The following DYRK4 variants were observed in gnomAD, a reference collection of about 807,000 sequenced individuals.
DYRK4 encodes dual specificity tyrosine-phosphorylation-regulated kinase 4.
DYRK4 carries 64 observed loss-of-function variants against 68.3 expected under a neutral mutation model. The observed-to-expected ratio is 0.94, with a 90% CI of 0.77 to 1.15. The LOEUF is 1.15. DYRK4 is among the 50% of genes most tolerant of loss of function. DYRK4 has a pLI of 0.00. For synonymous variants in DYRK4, 274 were observed against 289.9 expected, an observed-to-expected ratio of 0.95 and a Z score of 0.56; for missense variants, 740 against 764.7, an observed-to-expected ratio of 0.97 and a Z score of 0.38.
At chr12:4,570,209 C>T (rs1377291389) in intron 2 of DYRK4, among the ~76,000 whole-genome samples, 1 of 151,706 alleles carries the variant, frequency 6.6e-6, no homozygotes, top group East Asian at 1.9e-4. Context: ...CCACTGCATC[C>T]AGCCTGGTCA....
At chr12:4,593,326 T>C (rs1398626729) in intron 6 of DYRK4, among the ~76,000 whole-genome samples, 161 bp downstream of exon 6, 2 of 152,182 alleles carry the variant, frequency 1.3e-5, no homozygotes, top group Admixed American at 6.5e-5. Context: ...AATACCATGT[T>C]TGAAAATGGG....
At chr12:4,569,767 G>A (rs1279583951) in intron 2 of DYRK4, among the ~76,000 whole-genome samples, 2 of 151,916 alleles carry the variant, frequency 1.3e-5, no homozygotes, top group African/African-American at 4.8e-5. Flanking sequence ...GACCAAATCC[G>A]TATTCTTAAC....
chr12:4,562,391 G>GA (rs1337033167), intron 1 of DYRK4, 108 bp downstream of exon 1: 1 of 1,354,590 alleles, frequency 7.4e-7, no homozygotes, highest in East Asian at 2.7e-5. Context: ...AAAGCGTGCA[G>GA]AATGCAAGAG....
At chr12:4,602,369 C>G (rs1945091375) in intron 10 of DYRK4, 3 of 903,806 alleles carry the variant, frequency 3.3e-6, no homozygotes, top group Non-Finnish European at 5.4e-6. Context: ...CTCTTTTGTT[C>G]TCGTTTTGTA....
intron 11 of DYRK4, among the ~76,000 whole-genome samples, chr12:4,605,288 A>G (rs1342455275): frequency 6.6e-6 from 1 of 152,232 alleles, no homozygotes; most frequent in African/African-American, 2.4e-5. Context: ...CATAAATTTA[A>G]ATAGTTGCAG....
intron 13 of DYRK4, chr12:4,610,661 C>CCTGA (rs1945209718): frequency 6.4e-6 from 1 of 157,260 alleles, no homozygotes; most frequent in African/African-American, 2.4e-5. Flanking sequence ...AAGCCAACCC[C>CCTGA]CTGACTGCTT....
At chr12:4,605,740 T>G (rs990380559) in intron 11 of DYRK4, among the ~76,000 whole-genome samples, 76 of 137,640 alleles carry the variant, frequency 5.5e-4, no homozygotes, top group African/African-American at 2.0e-3. Flanking sequence ...TTTTTTTTTT[T>G]TTTTTTTTTT....
At position 4,611,860 on chromosome 12, in the gene DYRK4, T is replaced by C. The variant is rs543871197; in HGVS notation, c.1491-683T>C. On this transcript the variant is annotated intron_variant, in intron 13 of 14. Transcript: ENST00000543431. ...ATGGTTGAAGGACTGAACCATAAAATTAGGATAGTTATTTTGTGTGATGGT... is the reference window on the plus strand; with the variant it reads ...ATGGTTGAAGGACTGAACCATAAAACTAGGATAGTTATTTTGTGTGATGGT... 3.3e-5 allele frequency among the ~76,000 whole-genome samples: 5 copies of C among 152,266 alleles called. No individual in the cohort carries two copies. In the East Asian group the frequency reaches 5.8e-4, roughly 18 times the overall value.
At chr12:4,580,921 G>T (rs558212163) in intron 2 of DYRK4, 10 of 455,370 alleles carry the variant, frequency 2.2e-5, no homozygotes, top group African/African-American at 2.0e-4. Flanking sequence ...TTCCGAAAAG[G>T]CTGGGTGGCC....
chr12:4,589,389 T>C (rs1944929357), intron 3 of DYRK4, among the ~76,000 whole-genome samples: 1 of 152,202 alleles, frequency 6.6e-6, no homozygotes, highest in Admixed American at 6.5e-5. Context: ...TTACTATTGA[T>C]TATAGTCACC....
intron 2 of DYRK4, among the ~76,000 whole-genome samples, chr12:4,585,616 CG>C: frequency 6.7e-6 from 1 of 150,156 alleles, no homozygotes; most frequent in Non-Finnish European, 1.5e-5. Flanking sequence ...CATCACACAC[CG>C]GGGACTGTTG....
chr12:4,585,633 TG>T (rs1944888725), intron 2 of DYRK4, among the ~76,000 whole-genome samples: 1 of 148,690 alleles, frequency 6.7e-6, no homozygotes, highest in African/African-American at 2.5e-5. Flanking sequence ...TGTTGTGGGG[TG>T]GGGGGAGCGG....
chr12:4,578,645 T>A (rs986809612), intron 2 of DYRK4, among the ~76,000 whole-genome samples: 1 of 152,212 alleles, frequency 6.6e-6, no homozygotes, highest in Non-Finnish European at 1.5e-5. Flanking sequence ...TTCTGGTGTT[T>A]ATAGTTTTTG....
intron 3 of DYRK4, 74 bp downstream of exon 3, chr12:4,589,091 A>G (rs374377302): frequency 1.4e-6 from 2 of 1,422,980 alleles, no homozygotes; most frequent in East Asian, 5.0e-5. Context: ...AGCTTTGAAC[A>G]GACAGTTTTG....
rs897282337 is a variant in DYRK4 at position 4,613,376 on chromosome 12, T to C, written c.1667-139T>C. The C allele has an allele frequency of 2.2e-5, 24 of 1,100,484 alleles. No individual in the cohort carries two copies. Among genetic ancestry groups the C allele is most frequent in the Non-Finnish European group, 2.9e-5 (23 of 782,638 alleles). 68.2% of individuals were successfully genotyped at this position (1,100,484 alleles called of 1,614,324 possible). Reference sequence around the variant, plus strand: ...AGTGCTTAGAATAATGCCCGGCACATTGGAGGTGCTTTACAAATGAACTGT... The same window carrying C: ...AGTGCTTAGAATAATGCCCGGCACACTGGAGGTGCTTTACAAATGAACTGT... On this transcript the variant is annotated intron_variant, in intron 14 of 14. Coordinates refer to ENST00000543431, the MANE Select transcript of DYRK4 (RefSeq NM_001394779.1). This position sits in a 1 kb window ranked among gnomAD's most constrained non-coding sequence, Gnocchi z 4.0.
At chr12:4,605,134 C>T in intron 11 of DYRK4, 48 bp downstream of exon 11, 1 of 1,562,620 alleles carries the variant, frequency 6.4e-7, no homozygotes, top group Non-Finnish European at 8.7e-7. Flanking sequence ...GTGGGCTTGG[C>T]CCTCAGACAC....
chr12:4,589,410 A>G (rs1944929600), intron 3 of DYRK4, among the ~76,000 whole-genome samples: 1 of 152,198 alleles, frequency 6.6e-6, no homozygotes, highest in Non-Finnish European at 1.5e-5. Flanking sequence ...CTGTTGTGCT[A>G]TCAAACATGA....
intron 2 of DYRK4, among the ~76,000 whole-genome samples, chr12:4,571,586 G>A (rs1444452479): frequency 6.6e-6 from 1 of 152,048 alleles, no homozygotes; most frequent in African/African-American, 2.4e-5. Flanking sequence ...TTTATATTTT[G>A]TCGTATTTTA....
rs1448809957 is a variant in DYRK4, at chr12:4,573,046, A to G, written c.132+4998A>G. 4 of 309,668 alleles carry G rather than the reference A, an allele frequency of 1.3e-5. No homozygotes were observed. The East Asian group carries it at 3.8e-4, about 30-fold the overall frequency. 19.2% of individuals were successfully genotyped at this position (309,668 alleles called of 1,614,324 possible). Reference sequence around the variant, plus strand: ...AGTTCAAGCTGAAGAGACAGCAAACAGCAGAGATGTGAATTGCTAGTTCTG... The same window carrying G: ...AGTTCAAGCTGAAGAGACAGCAAACGGCAGAGATGTGAATTGCTAGTTCTG... On this transcript the variant is annotated intron_variant, in intron 2 of 14. Transcript: ENST00000543431.
Sources: gnomAD v4.1 joint callset for allele counts (sites outside exome capture counted in the v4.1 genomes callset) on GRCh38, gnomAD v4.1.1 for gene constraint, Gnocchi (gnomAD v3.1) non-coding constraint, MANE v1.5 for transcripts, NCBI Gene and HGNC (gene_info 2026-07-23, HGNC 2026-07-21) for gene names.